The following GSK3B variants were observed in gnomAD, a reference collection of about 807,000 sequenced individuals.
GSK3B encodes the protein glycogen synthase kinase-3 beta.
GSK3B carries 15 observed loss-of-function variants against 56.4 expected under a neutral mutation model. That is an observed-to-expected ratio of 0.27 (90% confidence interval 0.18 to 0.41). The LOEUF (loss-of-function observed/expected upper bound fraction) is 0.41. Ranked by LOEUF, GSK3B falls within the 10% of genes least tolerant of loss-of-function variation. GSK3B has a pLI of 1.00. For synonymous variants in GSK3B, 181 were observed against 188.9 expected (o/e 0.96, Z 0.34); for missense variants, 300 against 513.4 (o/e 0.58, Z 4.02).
chr3:119,855,125 G>C (rs944389100), intron 9 of GSK3B, among the ~76,000 whole-genome samples: 1 of 152,040 alleles, frequency 6.6e-6, no homozygotes, highest in Non-Finnish European at 1.5e-5. Context: ...TTGTGTCTTT[G>C]TTCTCATTGG....
chr3:119,908,846 G>A (rs2056708256), intron 6 of GSK3B, among the ~76,000 whole-genome samples: 1 of 152,184 alleles, frequency 6.6e-6, no homozygotes, highest in Non-Finnish European at 1.5e-5. Flanking sequence ...AGGAAATGGT[G>A]GGTAAAACTG....
At chr3:119,831,512 CT>C (rs1396519063) in intron 10 of GSK3B, among the ~76,000 whole-genome samples, 1 of 152,000 alleles carries the variant, frequency 6.6e-6, no homozygotes, top group East Asian at 1.9e-4. Context: ...CAAAAATTAG[CT>C]GGGCATAGTG....
rs1291441909 is a variant in GSK3B, at chr3:119,936,352, A to AT, written c.366+10915dup. On this transcript the variant is annotated intron_variant, in intron 3 of 10. Coordinates refer to ENST00000264235, the MANE Select transcript of GSK3B (RefSeq NM_001146156.2). ...ATATATAAAAAATATATATATATAT[A>AT]TATTTTTTTTTTGAGACAAAGTCTC... Among the ~76,000 whole-genome samples the AT allele has an allele frequency of 9.6e-3, 952 of 99,284 alleles. 10 individuals are homozygous for AT. The highest frequency in any genetic ancestry group is 0.035 in the African/African-American group (515 of 14,526). The allele number at this position is 99,284 out of a possible 152,430, so 65.1% of individuals were successfully genotyped here. A position where few individuals can be genotyped will look rare whatever the true frequency, so the allele number is the denominator to read the frequency against.
At chr3:120,090,310 A>T (rs72971020) in intron 1 of GSK3B, among the ~76,000 whole-genome samples, 2,974 of 152,254 alleles carry the variant, frequency 0.02, 90 homozygotes, top group African/African-American at 0.067. Context: ...TATAAATCCA[A>T]CATCTTTAGG....
intron 2 of GSK3B, among the ~76,000 whole-genome samples, chr3:119,984,841 A>G (rs1412298798): frequency 6.6e-6 from 1 of 152,218 alleles, no homozygotes; most frequent in African/African-American, 2.4e-5. Context: ...TCATTTTATG[A>G]GGCCAACATC....
intron 2 of GSK3B, among the ~76,000 whole-genome samples, chr3:119,950,189 G>T (rs75715224): frequency 0.015 from 2,292 of 152,292 alleles, 56 homozygotes; most frequent in African/African-American, 0.051. Context: ...GATGATTTAT[G>T]TCAAAAGCTA....
At chr3:119,898,484 C>T (rs2056592240) in intron 7 of GSK3B, among the ~76,000 whole-genome samples, 2 of 152,266 alleles carry the variant, frequency 1.3e-5, no homozygotes, top group Admixed American at 1.3e-4. Context: ...GGTTGCATCA[C>T]TAATTTGCTG....
chr3:120,075,315 G>T (rs1315027676), intron 1 of GSK3B, among the ~76,000 whole-genome samples: 1 of 151,986 alleles, frequency 6.6e-6, no homozygotes, highest in Non-Finnish European at 1.5e-5. Context: ...TCTAAGACCT[G>T]ATACAAGGCA....
chr3:120,070,738 A>C (rs192830148), intron 1 of GSK3B, among the ~76,000 whole-genome samples: 1 of 152,348 alleles, frequency 6.6e-6, no homozygotes, highest in African/African-American at 2.4e-5. Context: ...TAAGTAGGGC[A>C]GCTTAGTCTT....
At chr3:119,964,543 T>C (rs2057302241) in intron 2 of GSK3B, among the ~76,000 whole-genome samples, 1 of 152,176 alleles carries the variant, frequency 6.6e-6, no homozygotes, top group Non-Finnish European at 1.5e-5. Context: ...TTATTTTTCA[T>C]AACAAGGAAT....
chr3:119,908,332 T>G (rs1188979841), intron 6 of GSK3B, among the ~76,000 whole-genome samples: 2 of 152,224 alleles, frequency 1.3e-5, no homozygotes, highest in African/African-American at 4.8e-5. Context: ...TATCATATAT[T>G]TGAATAAAAT....
intron 2 of GSK3B, among the ~76,000 whole-genome samples, chr3:119,968,345 A>G (rs1280671373): frequency 6.6e-6 from 1 of 152,170 alleles, no homozygotes; most frequent in Non-Finnish European, 1.5e-5. Flanking sequence ...GGACAAAAAC[A>G]TTATAAAAAA....
At chr3:120,034,051 A>C (rs2058001044) in intron 1 of GSK3B, among the ~76,000 whole-genome samples, 1 of 152,186 alleles carries the variant, frequency 6.6e-6, no homozygotes, top group Non-Finnish European at 1.5e-5. Context: ...GGTTCTGTCT[A>C]TTCAGAACCT....
At chr3:119,979,141 C>T (rs963981479) in intron 2 of GSK3B, among the ~76,000 whole-genome samples, 1 of 152,116 alleles carries the variant, frequency 6.6e-6, no homozygotes, top group South Asian at 2.1e-4. Flanking sequence ...TAATGGCAGC[C>T]CATGGTCCGA....
intron 1 of GSK3B, among the ~76,000 whole-genome samples, chr3:120,053,743 T>C (rs1416574207): frequency 6.6e-6 from 1 of 152,226 alleles, no homozygotes; most frequent in Non-Finnish European, 1.5e-5. Flanking sequence ...CCCATACTGT[T>C]CTTATGATAG....
chr3:120,092,675 C>T (rs562909029), intron 1 of GSK3B, among the ~76,000 whole-genome samples: 35 of 152,310 alleles, frequency 2.3e-4, no homozygotes, highest in African/African-American at 8.4e-4. Context: ...CATCAAACCA[C>T]TTATCCAATT....
At chr3:120,050,979 T>C (rs890916336) in intron 1 of GSK3B, among the ~76,000 whole-genome samples, 4 of 152,076 alleles carry the variant, frequency 2.6e-5, no homozygotes, top group Non-Finnish European at 5.9e-5. Context: ...GGAAACAATC[T>C]GAGAGGCAGA....
chr3:119,841,864 A>G (rs2055776509), intron 10 of GSK3B, among the ~76,000 whole-genome samples: 2 of 152,234 alleles, frequency 1.3e-5, no homozygotes, highest in Admixed American at 1.3e-4. Context: ...TTAAATCTTT[A>G]TTAGCAACAT....
intron 1 of GSK3B, among the ~76,000 whole-genome samples, chr3:120,068,184 T>C (rs1297921225): frequency 6.7e-6 from 1 of 149,720 alleles, no homozygotes; most frequent in Non-Finnish European, 1.5e-5. Context: ...CAAGGTCAGG[T>C]GTTCGAGACC....
Sources: allele counts gnomAD v4.1 joint callset (sites outside exome capture counted in the v4.1 genomes callset), GRCh38; gene constraint gnomAD v4.1.1; transcripts MANE v1.5; gene names NCBI Gene and HGNC (gene_info 2026-07-23, HGNC 2026-07-21).